Variants in CELF2 observed in about 807,000 individuals in gnomAD.
CELF2 encodes CUG triplet repeat RNA-binding protein 2.
Under a neutral mutation model 62.6 loss-of-function variants are expected in CELF2, and 8 were observed. That is an observed-to-expected ratio of 0.13 (90% CI 0.07 to 0.23). CELF2 has a LOEUF of 0.23. CELF2 is among the 10% of genes least tolerant of loss of function. The pLI, the probability that CELF2 is intolerant of heterozygous loss-of-function variation, is 1.00. For synonymous variants in CELF2, 258 were observed against 250.0 expected (o/e 1.03, Z -0.30); for missense variants, 333 against 671.0 (o/e 0.50, Z 5.56).
chr10:10,553,546 A>G, the CELF2 span, among the ~76,000 whole-genome samples: 1 of 152,188 alleles, frequency 6.6e-6, no homozygotes. Flanking sequence ...TATATGCCAG[A>G]GAGAGACAGA....
chr10:11,291,236 A>T (rs572233795), intron 9 of CELF2, among the ~76,000 whole-genome samples: 1 of 152,340 alleles, frequency 6.6e-6, no homozygotes, highest in South Asian at 2.1e-4. Flanking sequence ...TTCATCTGGA[A>T]AGCAAAGGGA....
the CELF2 span, among the ~76,000 whole-genome samples, chr10:10,683,525 A>G: frequency 0.68 from 102,923 of 152,104 alleles, 35,736 homozygotes; most frequent in South Asian, 0.83. Context: ...AGCTGTGAGC[A>G]GAAGTGATTT....
the CELF2 span, among the ~76,000 whole-genome samples, chr10:10,648,901 C>T: frequency 1.8e-4 from 28 of 152,238 alleles, no homozygotes; most frequent in Non-Finnish European, 4.0e-4. Flanking sequence ...TGAGGAGGGG[C>T]GCACCGCTTA....
chr10:11,153,771 C>A (rs1430079819), intron 1 of CELF2, among the ~76,000 whole-genome samples: 1 of 152,194 alleles, frequency 6.6e-6, no homozygotes, highest in Non-Finnish European at 1.5e-5. Context: ...GTTGATCAGT[C>A]CCTAAACTGG....
chr10:10,985,745 T>C (rs1256665230), intron 2 of CELF2, among the ~76,000 whole-genome samples: 1 of 152,194 alleles, frequency 6.6e-6, no homozygotes, highest in African/African-American at 2.4e-5. Context: ...GGGTTTCTCA[T>C]TCTCTCCTTC....
intron 8 of CELF2, among the ~76,000 whole-genome samples, chr10:11,278,995 G>A (rs907911749): frequency 2.0e-5 from 3 of 152,304 alleles, no homozygotes; most frequent in Middle Eastern, 3.4e-3. Context: ...CCCTTGAGGT[G>A]TGTTTCACGG....
At chr10:10,627,364 T>G in the CELF2 span, among the ~76,000 whole-genome samples, 2 of 152,214 alleles carry the variant, frequency 1.3e-5, no homozygotes, top group African/African-American at 2.4e-5. Context: ...CGGCTAATAT[T>G]AAACATGCAA....
intron 1 of CELF2, among the ~76,000 whole-genome samples, chr10:11,153,270 G>A (rs2063682107): frequency 6.6e-6 from 1 of 151,902 alleles, no homozygotes; most frequent in Admixed American, 6.6e-5. Context: ...TTTTTGACAG[G>A]TTATACATAT....
intron 1 of CELF2, among the ~76,000 whole-genome samples, chr10:10,865,655 T>G (rs184477456): frequency 6.6e-6 from 1 of 152,340 alleles, no homozygotes; most frequent in Non-Finnish European, 1.5e-5. Flanking sequence ...ATGCGTGTCT[T>G]ATTTCAAACC....
intron 1 of CELF2, among the ~76,000 whole-genome samples, chr10:10,842,367 C>T (rs1213550589): frequency 2.0e-5 from 3 of 151,852 alleles, no homozygotes; most frequent in Admixed American, 6.6e-5. Flanking sequence ...TTTCCTTATT[C>T]GTGGTCTCAG....
intron 1 of CELF2, among the ~76,000 whole-genome samples, chr10:11,086,947 T>G (rs2046979957): frequency 6.6e-6 from 1 of 152,138 alleles, no homozygotes; most frequent in Non-Finnish European, 1.5e-5. Context: ...GAAGGAAGTA[T>G]TAGGTCTCTC....
intron 1 of CELF2, among the ~76,000 whole-genome samples, chr10:11,059,522 G>T (rs1227730070): frequency 2.0e-5 from 3 of 152,218 alleles, no homozygotes; most frequent in African/African-American, 7.2e-5. Context: ...GATTGAAGGA[G>T]AATTCTGGTG....
chr10:11,251,107 C>G (rs924930247), intron 4 of CELF2, among the ~76,000 whole-genome samples: 3 of 152,004 alleles, frequency 2.0e-5, no homozygotes, highest in Admixed American at 2.0e-4. Context: ...CCATGATACT[C>G]TAAACTGTAT....
chr10:11,319,167 G>C lies in CELF2; in HGVS notation c.1097-2022G>C. ...GGCATCTGCATTTCCAGAGGACTGT[G>C]CCCAGAGTGCGATCATCTGTAATCC... On this transcript the variant is annotated intron_variant, in intron 10 of 12. Coordinates refer to ENST00000633077, the MANE Select transcript of CELF2 (RefSeq NM_001326342.2). The surrounding 1 kb of genome is among the most constrained non-coding windows in gnomAD (Gnocchi z 4.4). 2.2e-6 allele frequency: 1 copy of C among 460,764 alleles called. No individual in the cohort carries two copies. The highest frequency in any genetic ancestry group is 1.6e-5 in the South Asian group (1 of 62,790). 28.5% of individuals were successfully genotyped at this position (460,764 alleles called of 1,614,324 possible). A position where few individuals can be genotyped will look rare whatever the true frequency, so the allele number is the denominator to read the frequency against.
chr10:11,161,931 G>C (rs1229936283), intron 1 of CELF2, among the ~76,000 whole-genome samples: 2 of 152,240 alleles, frequency 1.3e-5, no homozygotes, highest in Non-Finnish European at 2.9e-5. Context: ...TTGCTTAGAA[G>C]TGTCAGTGCT....
upstream of CELF2, among the ~76,000 whole-genome samples, chr10:11,014,811 C>A (rs1225779344): frequency 6.6e-6 from 1 of 152,010 alleles, no homozygotes; most frequent in Non-Finnish European, 1.5e-5. Context: ...TCTTGAATTG[C>A]CTTTTGTTTG....
chr10:10,798,868 GC>G (rs2054341817), intron 1 of CELF2: 1 of 398,868 alleles, frequency 2.5e-6, no homozygotes, highest in Non-Finnish European at 4.4e-6. Context: ...CATAGCCAAG[GC>G]CCTGCTCCCG....
chr10:10,701,229 T>G, the CELF2 span, among the ~76,000 whole-genome samples: 1 of 152,222 alleles, frequency 6.6e-6, no homozygotes, highest in African/African-American at 2.4e-5. Context: ...AGGCAGAGGC[T>G]AATGCCTTCC....
In CELF2 at chr10:11,312,648, C is replaced by T. The variant is rs150018092; in HGVS notation, c.977-1491C>T. Among the ~76,000 whole-genome samples, 459 of 152,280 alleles carry T rather than the reference C, an allele frequency of 3.0e-3. 2 individuals carry two copies. The highest frequency in any genetic ancestry group is 0.01 in the African/African-American group (431 of 41,556). On this transcript the variant is annotated intron_variant, in intron 9 of 12. Transcript: ENST00000633077. Reference sequence around the variant, plus strand: ...AGAGAGGGGAAATGGAATTGAAAGACAAACCTGGCTGGCTTGGAGGCTCAC... The same window carrying T: ...AGAGAGGGGAAATGGAATTGAAAGATAAACCTGGCTGGCTTGGAGGCTCAC...
Sources: gnomAD v4.1 joint callset for allele counts (sites outside exome capture counted in the v4.1 genomes callset) on GRCh38, gnomAD v4.1.1 for gene constraint, Gnocchi (gnomAD v3.1) non-coding constraint, MANE v1.5 for transcripts, NCBI Gene and HGNC (gene_info 2026-07-23, HGNC 2026-07-21) for gene names.